The following PSD3 variants were observed in gnomAD, a reference collection of about 807,000 sequenced individuals.
PSD3 encodes pleckstrin and Sec7 domain containing 3.
In PSD3, 49 loss-of-function variants were observed where a neutral mutation model predicts 105.5. That is an observed-to-expected ratio of 0.46 (90% confidence interval 0.37 to 0.59). PSD3 has a LOEUF of 0.59. Ranked by LOEUF, PSD3 falls within the 20% of genes least tolerant of loss-of-function variation. PSD3 has a pLI of 0.00. For missense variants in PSD3, 1,561 were observed against 1,263.8 expected (o/e 1.24, Z -3.57); for synonymous variants, 557 against 457.8 (o/e 1.22, Z -2.77).
At chr8:18,804,683 C>A in intron 5 of PSD3, 21 bp downstream of exon 5, 1 of 1,612,534 alleles carries the variant, frequency 6.2e-7, no homozygotes, top group Non-Finnish European at 8.5e-7. Context: ...ATTCAGACTC[C>A]AGCAATGGGT....
chr8:18,674,073 G>A lies in PSD3; in HGVS notation c.2173-18388C>T, dbSNP rs1437845992. 2.0e-5 allele frequency among the ~76,000 whole-genome samples: 3 copies of A among 152,244 alleles called. No individual in the cohort carries two copies. The East Asian group carries it at 5.8e-4, about 29-fold the overall frequency. On this transcript the variant is annotated intron_variant, in intron 9 of 15. Coordinates refer to ENST00000327040, the MANE Select transcript of PSD3 (RefSeq NM_015310.4). Reference sequence around the variant, plus strand: ...ACTTGGGAGGATTCCTTGAGCCCAGGAAGTGGAGGGTGCAGTGAGCAGTGA... The same window carrying A: ...ACTTGGGAGGATTCCTTGAGCCCAGAAAGTGGAGGGTGCAGTGAGCAGTGA...
intron 2 of PSD3, among the ~76,000 whole-genome samples, chr8:18,878,543 C>T (rs1817883585): frequency 6.6e-6 from 1 of 152,182 alleles, no homozygotes; most frequent in African/African-American, 2.4e-5. Context: ...TAAGCTTAAG[C>T]ATACATACAT....
At chr8:18,813,044 G>C (rs1048268056) in intron 4 of PSD3, among the ~76,000 whole-genome samples, 2 of 152,194 alleles carry the variant, frequency 1.3e-5, no homozygotes, top group African/African-American at 4.8e-5. Flanking sequence ...GAATAGTACA[G>C]TCAAGAGATG....
chr8:18,762,181 G>A (rs892541103), intron 9 of PSD3, among the ~76,000 whole-genome samples: 1 of 152,170 alleles, frequency 6.6e-6, no homozygotes, highest in African/African-American at 2.4e-5. Flanking sequence ...TCATGAATGG[G>A]TTAGCACTGT....
At chr8:19,048,799 T>C (rs1476303048) in intron 1 of PSD3, among the ~76,000 whole-genome samples, 2 of 152,220 alleles carry the variant, frequency 1.3e-5, no homozygotes, top group Non-Finnish European at 2.9e-5. Flanking sequence ...TTAGGTTCTG[T>C]ATTTGTTTGC....
At chr8:18,749,013 C>T (rs1268177870) in intron 9 of PSD3, among the ~76,000 whole-genome samples, 1 of 152,210 alleles carries the variant, frequency 6.6e-6, no homozygotes, top group Non-Finnish European at 1.5e-5. Context: ...TTCTTTCTAA[C>T]AGCCAAAGAG....
At chr8:18,536,994 C>A (rs1799881641) in intron 15 of PSD3, among the ~76,000 whole-genome samples, 1 of 152,194 alleles carries the variant, frequency 6.6e-6, no homozygotes, top group South Asian at 2.1e-4. Flanking sequence ...GACTATACAT[C>A]CGTCTTAGGG....
At chr8:18,711,930 C>G (rs149952710) in intron 9 of PSD3, among the ~76,000 whole-genome samples, 1 of 152,128 alleles carries the variant, frequency 6.6e-6, no homozygotes, top group Admixed American at 6.6e-5. Context: ...AATAGTCTCT[C>G]GGACCACAGA....
chr8:18,859,268 G>A (rs1049359479), intron 4 of PSD3, among the ~76,000 whole-genome samples: 3 of 145,346 alleles, frequency 2.1e-5, no homozygotes. Flanking sequence ...TCTTAATAGT[G>A]GGCTTAAAAT....
intron 8 of PSD3, among the ~76,000 whole-genome samples, chr8:18,796,375 A>AT (rs1810179747): frequency 1.3e-5 from 2 of 152,100 alleles, no homozygotes; most frequent in South Asian, 4.1e-4. Context: ...TTCCATGAAC[A>AT]TTGTCTCATT....
At chr8:18,875,301 A>G (rs1394250522) in intron 2 of PSD3, among the ~76,000 whole-genome samples, 1 of 152,176 alleles carries the variant, frequency 6.6e-6, no homozygotes, top group Non-Finnish European at 1.5e-5. Context: ...CTTCTACAAG[A>G]CAGAACTAAT....
intron 9 of PSD3, among the ~76,000 whole-genome samples, chr8:18,674,796 G>A (rs1799980098): frequency 1.3e-5 from 2 of 152,116 alleles, no homozygotes; most frequent in South Asian, 4.1e-4. Flanking sequence ...CATCTGAGGT[G>A]GGGTGTTCAA....
chr8:18,925,302 G>A (rs976385793), intron 2 of PSD3, among the ~76,000 whole-genome samples: 1 of 151,994 alleles, frequency 6.6e-6, no homozygotes, highest in Non-Finnish European at 1.5e-5. Context: ...GGCTGAGGTG[G>A]GAGGCTCACT....
At chr8:19,080,041 C>G (rs1829593094) in intron 1 of PSD3, among the ~76,000 whole-genome samples, 2 of 152,058 alleles carry the variant, frequency 1.3e-5, no homozygotes, top group Non-Finnish European at 1.5e-5. Flanking sequence ...AAGCACCCAC[C>G]ACCATGCCTG....
chr8:19,013,480 C>T, intron 1 of PSD3, 83 bp downstream of exon 1: 2 of 1,558,976 alleles, frequency 1.3e-6, no homozygotes, highest in Non-Finnish European at 1.7e-6. Context: ...GGGGACAGAG[C>T]GGCGACAAAG....
intron 1 of PSD3, among the ~76,000 whole-genome samples, chr8:19,079,782 C>G (rs983980111): frequency 3.3e-5 from 5 of 152,130 alleles, no homozygotes; most frequent in African/African-American, 1.2e-4. Flanking sequence ...CATGGAAATC[C>G]CAGTTTTCCC....
intron 1 of PSD3, among the ~76,000 whole-genome samples, chr8:19,069,254 A>C (rs1472065661): frequency 6.6e-6 from 1 of 152,324 alleles, no homozygotes; most frequent in South Asian, 2.1e-4. Context: ...TAATATAACA[A>C]TAAATCTTAT....
At chr8:18,705,311 C>A (rs547139762) in intron 9 of PSD3, among the ~76,000 whole-genome samples, 1 of 152,028 alleles carries the variant, frequency 6.6e-6, no homozygotes, top group African/African-American at 2.4e-5. Context: ...GTGGACTGCT[C>A]AAGCTCAGTA....
rs1312921599 is a variant in PSD3, at chr8:18,808,751, T to C, written c.1635-3853A>G. ...TTGACAATATGATGGCAATATAAAC[T>C]TACCAGCAACCATACAGACACCAAG... On this transcript the variant is annotated intron_variant, in intron 4 of 15. Coordinates refer to ENST00000327040, the MANE Select transcript of PSD3 (RefSeq NM_015310.4). The C allele has an allele frequency of 1.3e-5, 21 of 1,613,924 alleles. No individual in the cohort carries two copies. The highest frequency in any genetic ancestry group is 1.7e-5 in the Non-Finnish European group (20 of 1,179,964).
Sources: gnomAD v4.1 joint callset for allele counts (sites outside exome capture counted in the v4.1 genomes callset) on GRCh38, gnomAD v4.1.1 for gene constraint, MANE v1.5 for transcripts, NCBI Gene and HGNC (gene_info 2026-07-23, HGNC 2026-07-21) for gene names.